The following GSTCD variants were observed in gnomAD, a reference collection of about 807,000 sequenced individuals.
The protein encoded by GSTCD is glutathione S-transferase C-terminal domain containing.
GSTCD carries 44 observed loss-of-function variants against 68.3 expected under a neutral mutation model. The observed-to-expected ratio is 0.64, with a 90% CI of 0.51 to 0.83. The LOEUF (loss-of-function observed/expected upper bound fraction) is 0.83. Ranked by LOEUF, GSTCD falls within the 40% of genes least tolerant of loss-of-function variation. GSTCD has a pLI of 0.00. For missense variants in GSTCD, 739 were observed against 735.9 expected, an observed-to-expected ratio of 1.00 and a Z score of -0.05; for synonymous variants, 273 against 255.2, an observed-to-expected ratio of 1.07 and a Z score of -0.67.
intron 11 of GSTCD, among the ~76,000 whole-genome samples, chr4:105,843,724 C>G (rs1413232028): frequency 6.6e-6 from 1 of 152,204 alleles, no homozygotes; most frequent in African/African-American, 2.4e-5. Context: ...GGCCCCACTT[C>G]CTAACACTGT....
rs1734335123 is a variant in GSTCD, at chr4:105,759,855, T to TA, written c.1240+30357dup. 3.3e-5 allele frequency among the ~76,000 whole-genome samples: 5 copies of TA among 152,326 alleles called. No homozygotes were observed. In the South Asian group the frequency reaches 1.0e-3, roughly 32 times the overall value. Reference sequence around the variant, plus strand: ...TTTTTTGATTAATATAATACAATGATACTCATTTTTTAATGGAATAGCTAG... The same window carrying TA: ...TTTTTTGATTAATATAATACAATGATAACTCATTTTTTAATGGAATAGCTAG... On this transcript the variant is annotated intron_variant, in intron 5 of 11. Coordinates refer to ENST00000515279, the MANE Select transcript of GSTCD (RefSeq NM_001370181.1).
chr4:105,732,611 A>G (rs1315845760), intron 5 of GSTCD, among the ~76,000 whole-genome samples: 1 of 152,044 alleles, frequency 6.6e-6, no homozygotes, highest in Non-Finnish European at 1.5e-5. Flanking sequence ...CCAGCAGTCT[A>G]TCAATTTTGT....
intron 9 of GSTCD, among the ~76,000 whole-genome samples, chr4:105,834,873 G>A (rs559170129): frequency 5.0e-4 from 76 of 152,276 alleles, no homozygotes; most frequent in African/African-American, 1.7e-3. Flanking sequence ...CTGTATTTCC[G>A]AATAAATTTA....
intron 5 of GSTCD, among the ~76,000 whole-genome samples, chr4:105,772,177 G>A (rs1404747486): frequency 1.3e-5 from 2 of 152,082 alleles, no homozygotes; most frequent in Non-Finnish European, 2.9e-5. Flanking sequence ...TCCATTATTG[G>A]TGCATAGCAA....
At chr4:105,794,839 TTATC>T (rs148088004) in intron 5 of GSTCD, among the ~76,000 whole-genome samples, 29,927 of 114,298 alleles carry the variant, frequency 0.26, 3,472 homozygotes, top group East Asian at 0.32. Flanking sequence ...ATCTATCTAT[TTATC>T]TATCTATCTA....
chr4:105,764,711 C>T (rs1158804780), intron 5 of GSTCD, among the ~76,000 whole-genome samples: 1 of 152,178 alleles, frequency 6.6e-6, no homozygotes, highest in African/African-American at 2.4e-5. Flanking sequence ...CCGTAAAGGT[C>T]CTGTCTTCAA....
At chr4:105,839,704 G>T (rs561516193) in intron 10 of GSTCD, among the ~76,000 whole-genome samples, 7 of 151,908 alleles carry the variant, frequency 4.6e-5, no homozygotes, top group African/African-American at 1.4e-4. Flanking sequence ...GAAAAGGAAA[G>T]AAAAGAAAAA....
At chr4:105,737,554 C>T (rs1412146593) in intron 5 of GSTCD, among the ~76,000 whole-genome samples, 1 of 152,054 alleles carries the variant, frequency 6.6e-6, no homozygotes, top group Non-Finnish European at 1.5e-5. Context: ...AAAACTTGCC[C>T]AGTCCAATGT....
chr4:105,730,775 T>G (rs1239186986), intron 5 of GSTCD, among the ~76,000 whole-genome samples: 5 of 152,352 alleles, frequency 3.3e-5, no homozygotes, highest in African/African-American at 1.2e-4. Flanking sequence ...TTTTGGCTTT[T>G]GTTCCCATTG....
intron 5 of GSTCD, among the ~76,000 whole-genome samples, chr4:105,738,928 G>A (rs905918250): frequency 6.6e-6 from 1 of 152,184 alleles, no homozygotes; most frequent in African/African-American, 2.4e-5. Flanking sequence ...ATTCTTAGAG[G>A]AAAAGCTTTC....
At chr4:105,763,463 G>A (rs1485034056) in intron 5 of GSTCD, among the ~76,000 whole-genome samples, 2 of 152,114 alleles carry the variant, frequency 1.3e-5, no homozygotes. Context: ...AAGAACTGAA[G>A]TATAGAGAAA....
Position 105,846,941 on chromosome 4 carries a change from G to C in GSTCD, c.*1364G>C, listed in dbSNP as rs1212122395. 6.6e-6 allele frequency: 1 copy of C among 152,180 alleles called. No homozygotes were observed. Among genetic ancestry groups the C allele is most frequent in the Non-Finnish European group, 1.5e-5 (1 of 68,042 alleles). The allele number at this position is 152,180 out of a possible 1,614,324, so 9.4% of individuals were successfully genotyped here. A position where few individuals can be genotyped will look rare whatever the true frequency, so the allele number is the denominator to read the frequency against. The stretch of plus-strand genomic sequence containing the variant: ...CCCAAAGTGCTGAAATTACAGGCGT[G>C]AGCCACCTCACCTGGCCATGTTCTT... On this transcript the variant is annotated 3_prime_UTR_variant, in exon 12 of 12. Coordinates refer to ENST00000515279, the MANE Select transcript of GSTCD (RefSeq NM_001370181.1).
At chr4:105,773,693 T>G (rs1734944774) in intron 5 of GSTCD, among the ~76,000 whole-genome samples, 2 of 152,216 alleles carry the variant, frequency 1.3e-5, no homozygotes, top group African/African-American at 4.8e-5. Flanking sequence ...TAATCCTGAG[T>G]TCTAATTTGA....
chr4:105,795,786 T>C (rs896698977), intron 5 of GSTCD, among the ~76,000 whole-genome samples: 2 of 152,108 alleles, frequency 1.3e-5, no homozygotes, highest in African/African-American at 4.8e-5. Context: ...TCCTCTGACC[T>C]ATAGATTGTG....
intron 5 of GSTCD, among the ~76,000 whole-genome samples, chr4:105,745,338 G>A (rs1478875601): frequency 1.3e-5 from 2 of 152,214 alleles, no homozygotes; most frequent in Non-Finnish European, 2.9e-5. Flanking sequence ...TATGAAGAAT[G>A]AAAGGTTTTA....
chr4:105,841,272 C>T lies in GSTCD; in HGVS notation c.1696-793C>T, dbSNP rs528891561. On this transcript the variant is annotated intron_variant, in intron 10 of 11. Coordinates refer to ENST00000515279, the MANE Select transcript of GSTCD (RefSeq NM_001370181.1). ...CCAGGAGGCGGAGGTTGCAGTGAGC[C>T]GAGATTGTGCCACTGCACTGGAGCC... 4.0e-5 allele frequency among the ~76,000 whole-genome samples: 6 copies of T among 151,004 alleles called. No individual in the cohort carries two copies. In the South Asian group the frequency reaches 6.3e-4, roughly 16 times the overall value.
intron 5 of GSTCD, among the ~76,000 whole-genome samples, chr4:105,756,881 C>T (rs1734217808): frequency 6.6e-6 from 1 of 151,972 alleles, no homozygotes; most frequent in Non-Finnish European, 1.5e-5. Flanking sequence ...GTCCGTCAAT[C>T]AGCAGAGTTG....
intron 9 of GSTCD, 74 bp from the exon 10 acceptor site, chr4:105,837,785 T>TTAA (rs1330374821): frequency 1.6e-6 from 1 of 643,922 alleles, no homozygotes; most frequent in Admixed American, 3.6e-5. Context: ...TATTTTTATA[T>TTAA]AATTTAGTTT....
At chr4:105,746,907 C>T (rs1733823742) in intron 5 of GSTCD, among the ~76,000 whole-genome samples, 1 of 152,048 alleles carries the variant, frequency 6.6e-6, no homozygotes, top group Admixed American at 6.5e-5. Context: ...TGCTCTAGTC[C>T]CTACTTCTTT....
Sources: gnomAD v4.1 joint callset for allele counts (sites outside exome capture counted in the v4.1 genomes callset) on GRCh38, gnomAD v4.1.1 for gene constraint, MANE v1.5 for transcripts, NCBI Gene and HGNC (gene_info 2026-07-23, HGNC 2026-07-21) for gene names.